The following IPO5 variants were observed in gnomAD, a reference collection of about 807,000 sequenced individuals.
IPO5 encodes importin 5.
Under a neutral mutation model 143.3 loss-of-function variants are expected in IPO5, and 18 were observed. The observed-to-expected ratio is 0.13, with a 90% CI of 0.09 to 0.19. IPO5 has a LOEUF of 0.19. Among genes scored for constraint, IPO5 ranks in the 10% least tolerant of loss-of-function variants. The pLI is 1.00. For missense variants in IPO5, 1,013 were observed against 1,336.9 expected, an observed-to-expected ratio of 0.76 and a Z score of 3.78; for synonymous variants, 477 against 465.7, an observed-to-expected ratio of 1.02 and a Z score of -0.31.
At chr13:98,011,439 C>T (rs773939640) in intron 20 of IPO5, among the ~76,000 whole-genome samples, 2 of 152,048 alleles carry the variant, frequency 1.3e-5, no homozygotes, top group Non-Finnish European at 2.9e-5. Flanking sequence ...TACAGGTGCA[C>T]GCCACCATGC....
In IPO5 at chr13:98,006,356, A is replaced by ATTTTTTTTT. The variant is rs568589408; in HGVS notation, c.1716+36_1716+44dup. The ATTTTTTTTT allele has an allele frequency of 6.5e-4, 361 of 556,786 alleles. 77 individuals carry two copies. In the African/African-American group the frequency reaches 0.014, roughly 21 times the overall value. The allele number at this position is 556,786 out of a possible 1,614,324, so 34.5% of individuals were successfully genotyped here. On this transcript the variant is annotated intron_variant, in intron 17 of 28. Coordinates refer to ENST00000651721, the MANE Select transcript of IPO5 (RefSeq NM_002271.6). ...GCTGTTGGGAAGGAAAAAGTAAGTA[A>ATTTTTTTTT]TTTTTTTTTTTTTTTTTTTTTTTTT...
chr13:97,999,976 G>A (rs1439149952), intron 12 of IPO5, among the ~76,000 whole-genome samples: 1 of 152,132 alleles, frequency 6.6e-6, no homozygotes, highest in East Asian at 1.9e-4. Flanking sequence ...AGTAGCGGGT[G>A]GGGGTGGTCT....
chr13:97,957,519 A>AT (rs775518192), intron 2 of IPO5, among the ~76,000 whole-genome samples: 1 of 152,138 alleles, frequency 6.6e-6, no homozygotes, highest in African/African-American at 2.4e-5. Flanking sequence ...TTAAATGATC[A>AT]TTCCATATTG....
At chr13:98,011,277 T>TTTG (rs1566558204) in intron 20 of IPO5, among the ~76,000 whole-genome samples, 4 of 151,988 alleles carry the variant, frequency 2.6e-5, no homozygotes, top group African/African-American at 9.7e-5. Flanking sequence ...TTGGGGTTTT[T>TTTG]TTTGTTTGTT....
chr13:97,980,595 C>G (rs1246925763), intron 4 of IPO5, among the ~76,000 whole-genome samples: 2 of 151,314 alleles, frequency 1.3e-5, no homozygotes, highest in Non-Finnish European at 2.9e-5. Flanking sequence ...TTTGGGAGGC[C>G]GAGGCAGGTG....
At chr13:97,974,089 A>C (rs1886057254) in intron 3 of IPO5, among the ~76,000 whole-genome samples, 1 of 152,158 alleles carries the variant, frequency 6.6e-6, no homozygotes, top group Admixed American at 6.5e-5. Flanking sequence ...CAATAATAAT[A>C]ATAGTAACAA....
At chr13:97,994,987 A>G (rs1228476808) in intron 11 of IPO5, among the ~76,000 whole-genome samples, 1 of 151,916 alleles carries the variant, frequency 6.6e-6, no homozygotes, top group Non-Finnish European at 1.5e-5. Context: ...TTAGTCGGGC[A>G]TGGTGGCACA....
intron 20 of IPO5, among the ~76,000 whole-genome samples, 163 bp from the exon 21 acceptor site, chr13:98,012,083 C>A (rs1435769609): frequency 2.0e-5 from 3 of 151,570 alleles, no homozygotes; most frequent in Non-Finnish European, 4.4e-5. Context: ...TCTTTTAAGA[C>A]TCTTTTTAGT....
At position 98,006,210 on chromosome 13, in the gene IPO5, A is replaced by G. The variant is rs1315753805; in HGVS notation, c.1578A>G (p.Lys526=). The G allele has an allele frequency of 1.9e-6, 3 of 1,613,744 alleles. No individual in the cohort carries two copies. The highest frequency in any genetic ancestry group is 3.3e-5 in the Admixed American group (2 of 59,984). ...CAGTTGCCGATACTGCAGAAGAAAA[A>G]TTTGTCCCCTACTATGATTTATTTA... The part of the protein sequence containing the change: ...IASVADTAEE[K]FVPYYDLFMP... The change falls in exon 17 of 29, where the codon AAA becomes AAG. Residue 526 remains lysine (K), a synonymous_variant. Transcript: ENST00000651721.
chr13:97,971,400 T>G (rs1301598012), intron 3 of IPO5, among the ~76,000 whole-genome samples: 1 of 152,126 alleles, frequency 6.6e-6, no homozygotes, highest in East Asian at 1.9e-4. Context: ...AAAATGTGAA[T>G]ATTTCAGCAT....
At position 98,022,650 on chromosome 13, in the gene IPO5, C is replaced by T. The variant is rs536615911; in HGVS notation, c.*828C>T. The stretch of plus-strand genomic sequence containing the variant: ...TCAGACTTAAGCATCGAGTTTTTAC[C>T]ATCTTCCACTTTAAGCTAAGTTATG... On this transcript the variant is annotated 3_prime_UTR_variant, in exon 29 of 29. Coordinates refer to ENST00000651721, the MANE Select transcript of IPO5 (RefSeq NM_002271.6). 1 of 152,088 alleles carries T rather than the reference C, an allele frequency of 6.6e-6. No individual in the cohort carries two copies. The highest frequency in any genetic ancestry group is 6.5e-5 in the Admixed American group (1 of 15,270). The allele number at this position is 152,088 out of a possible 1,614,324, so 9.4% of individuals were successfully genotyped here.
In IPO5 at chr13:98,012,801, A is replaced by ATTTTTTTTTTTTT. The variant is rs59658983; in HGVS notation, c.2152+473_2152+485dup. 2.4e-3 allele frequency among the ~76,000 whole-genome samples: 264 copies of ATTTTTTTTTTTTT among 109,140 alleles called. 3 individuals carry two copies. The highest frequency in any genetic ancestry group is 8.2e-3 in the East Asian group (20 of 2,428). 71.6% of individuals were successfully genotyped at this position (109,140 alleles called of 152,430 possible). A position where few individuals can be genotyped will look rare whatever the true frequency, so the allele number is the denominator to read the frequency against. On this transcript the variant is annotated intron_variant, in intron 21 of 28. Coordinates refer to ENST00000651721, the MANE Select transcript of IPO5 (RefSeq NM_002271.6). ...ACAACACCAAGCCCAGCTAGATTTGATTTTTTTTTTTTTTTTTTTTTTTTT... is the reference window on the plus strand; with the variant it reads ...ACAACACCAAGCCCAGCTAGATTTGATTTTTTTTTTTTTTTTTTTTTTTTTTTTTTTTTTTTTT...
In IPO5 at chr13:98,021,739, T is replaced by C; in HGVS notation, c.3211T>C (p.Ser1071Pro). ...LANVVRQVQTSGGLWTECIAQ... is the reference protein window; with the variant it reads ...LANVVRQVQTPGGLWTECIAQ... ...GTGAAAATGTTTCTTTCCCTAGACT[T>C]CTGGAGGACTGTGGACTGAGTGCAT... is the stretch of plus-strand genomic sequence containing the variant. Residue 1071 changes from serine (S) to proline (P), a missense_variant, in exon 29 of 29, where the codon TCT becomes CCT. Physicochemically the swap from Ser to Pro is moderately conservative, Grantham distance 74. Coordinates refer to ENST00000651721, the MANE Select transcript of IPO5 (RefSeq NM_002271.6). The C allele has an allele frequency of 6.5e-7, 1 of 1,542,614 alleles. No homozygotes were observed. The highest frequency in any genetic ancestry group is 1.8e-5 in the Admixed American group (1 of 56,470).
intron 6 of IPO5, among the ~76,000 whole-genome samples, chr13:97,988,462 G>C (rs1021166226): frequency 6.6e-6 from 1 of 152,306 alleles, no homozygotes; most frequent in African/African-American, 2.4e-5. Context: ...AGTTAAAAGT[G>C]CTGCCTTCTC....
intron 2 of IPO5, among the ~76,000 whole-genome samples, chr13:97,965,758 TG>T (rs1555302768): frequency 3.3e-5 from 1 of 30,276 alleles, no homozygotes; most frequent in Non-Finnish European, 5.8e-5. Context: ...TAATAGTTTG[TG>T]TGTGTGTGTG....
chr13:98,002,560 T>C lies in IPO5; in HGVS notation c.1202T>C (p.Val401Ala). Residue 401 changes from valine to alanine, a missense_variant, in exon 14 of 29, where the codon GTA becomes GCA. By Grantham distance (64) the Val-to-Ala change is moderately conservative. Around this residue, in one of 2 missense-constraint regions of IPO5, gnomAD observed 685 missense variants for 994.9 expected, o/e 0.69. Transcript: ENST00000651721. ...ATGGAAGGAATTCTAAATGAGATCG[T>C]AAATTTTGTTTTACTTTTTCTCCAG... ...QQMEGILNEI[V>A]NFVLLFLQDP... 6.2e-7 allele frequency: 1 copy of C among 1,614,058 alleles called. No individual in the cohort carries two copies. The highest frequency in any genetic ancestry group is 8.5e-7 in the Non-Finnish European group (1 of 1,179,898).
At chr13:97,959,106 A>G (rs1216547196) in intron 2 of IPO5, among the ~76,000 whole-genome samples, 4 of 151,718 alleles carry the variant, frequency 2.6e-5, no homozygotes, top group African/African-American at 4.8e-5. Flanking sequence ...TAGGAGGCAG[A>G]GGTTGAAGTG....
At chr13:97,989,198 G>T in intron 7 of IPO5, 34 bp downstream of exon 7, 1 of 1,198,162 alleles carries the variant, frequency 8.3e-7, no homozygotes, top group South Asian at 1.2e-5. Flanking sequence ...TGAGACATTT[G>T]ATTTAATGAA....
At chr13:97,973,803 C>T (rs958558162) in intron 3 of IPO5, among the ~76,000 whole-genome samples, 4 of 152,262 alleles carry the variant, frequency 2.6e-5, no homozygotes, top group Admixed American at 2.0e-4. Context: ...GGTGTGGTGG[C>T]GGAGGCCTGT....
Sources: allele counts gnomAD v4.1 joint callset (sites outside exome capture counted in the v4.1 genomes callset), GRCh38; gene constraint gnomAD v4.1.1; regional missense constraint gnomAD v4.1.1; transcripts MANE v1.5; gene names NCBI Gene and HGNC (gene_info 2026-07-23, HGNC 2026-07-21).